Variants in TRPM6 observed in about 807,000 individuals in gnomAD.
The protein encoded by TRPM6 is transient receptor potential cation channel subfamily M member 6.
TRPM6 carries 111 observed loss-of-function variants against 247.6 expected under a neutral mutation model. The ratio of observed to expected loss-of-function variants is 0.45; its 90% CI spans 0.38 to 0.52. TRPM6 has a LOEUF of 0.52. TRPM6 is among the 20% of genes least tolerant of loss of function. The pLI is 0.00. For missense variants in TRPM6, 2,126 were observed against 2,421.5 expected (o/e 0.88, Z 2.56); for synonymous variants, 892 against 853.8 (o/e 1.04, Z -0.78).
At chr9:74,839,314 A>T (rs1249907695) in intron 5 of TRPM6, among the ~76,000 whole-genome samples, 1 of 152,136 alleles carries the variant, frequency 6.6e-6, no homozygotes, top group East Asian at 1.9e-4. Flanking sequence ...GACAGTTCAC[A>T]AACACTGAAG....
intron 6 of TRPM6, among the ~76,000 whole-genome samples, chr9:74,832,236 T>C (rs1485915531): frequency 6.6e-6 from 1 of 152,086 alleles, no homozygotes. Context: ...AATGACCCAG[T>C]TTCCTCAATA....
chr9:74,794,212 A>T (rs1368434191), intron 18 of TRPM6, among the ~76,000 whole-genome samples: 1 of 152,212 alleles, frequency 6.6e-6, no homozygotes, highest in Non-Finnish European at 1.5e-5. Context: ...AAAAGAAAAG[A>T]ATGTTCTCTG....
At chr9:74,806,587 A>G (rs1828535061) in intron 14 of TRPM6, among the ~76,000 whole-genome samples, 1 of 152,240 alleles carries the variant, frequency 6.6e-6, no homozygotes, top group African/African-American at 2.4e-5. Context: ...CATAATGACC[A>G]TTATTACTAA....
Position 74,727,214 on chromosome 9 carries a change from C to CTACAAAAAA in TRPM6, c.5935+1016_5935+1024dup, listed in dbSNP as rs1320998762. Among the ~76,000 whole-genome samples, 8 of 151,856 alleles carry CTACAAAAAA rather than the reference C, an allele frequency of 5.3e-5. 1 individual carries two copies. Among genetic ancestry groups the CTACAAAAAA allele is most frequent in the Admixed American group, 6.6e-5 (1 of 15,238 alleles). The stretch of plus-strand genomic sequence containing the variant: ...TGGCCAACATGGTGAAACCCTGTCT[C>CTACAAAAAA]TACAAAAAATACAAAAAATTAGCTG... On this transcript the variant is annotated intron_variant, in intron 38 of 38. Coordinates refer to ENST00000360774, the MANE Select transcript of TRPM6 (RefSeq NM_017662.5).
intron 11 of TRPM6, among the ~76,000 whole-genome samples, 154 bp from the exon 12 acceptor site, chr9:74,812,587 A>C (rs994737902): frequency 2.6e-5 from 4 of 152,056 alleles, no homozygotes; most frequent in African/African-American, 9.7e-5. Flanking sequence ...AAAAGGAAAA[A>C]ATTTAAATAC....
chr9:74,848,945 T>G (rs1466814986), intron 3 of TRPM6, among the ~76,000 whole-genome samples: 1 of 152,196 alleles, frequency 6.6e-6, no homozygotes, highest in African/African-American at 2.4e-5. Context: ...TACATTTGAG[T>G]ACATGGTGGA....
rs549263726 is a variant in TRPM6, at chr9:74,884,851, G to A, written c.33+2973C>T. Reference sequence around the variant, plus strand: ...AATGTGCTCCATCAAAATGATAGAAGAAATCAAAAAAGACTAAGGTGTGGG... The same window carrying A: ...AATGTGCTCCATCAAAATGATAGAAAAAATCAAAAAAGACTAAGGTGTGGG... On this transcript the variant is annotated intron_variant, in intron 1 of 38. Transcript: ENST00000360774. Among the ~76,000 whole-genome samples, 850 of 152,146 alleles carry A rather than the reference G, an allele frequency of 5.6e-3. 7 individuals are homozygous for A. Among genetic ancestry groups the A allele is most frequent in the African/African-American group, 0.019 (798 of 41,534 alleles).
chr9:74,758,124 A>G (rs76508966), intron 27 of TRPM6, among the ~76,000 whole-genome samples: 3,978 of 152,324 alleles, frequency 0.026, 166 homozygotes, highest in African/African-American at 0.088. Flanking sequence ...ATAGCTCTAT[A>G]TCTATTACAG....
intron 24 of TRPM6, among the ~76,000 whole-genome samples, chr9:74,775,538 C>G (rs1587491818): frequency 6.6e-6 from 1 of 152,158 alleles, no homozygotes; most frequent in African/African-American, 2.4e-5. Flanking sequence ...ACAAGGAGAA[C>G]AGTACACGTC....
At chr9:74,880,328 CGT>C in intron 1 of TRPM6, among the ~76,000 whole-genome samples, 1 of 152,004 alleles carries the variant, frequency 6.6e-6, no homozygotes, top group Admixed American at 6.6e-5. Flanking sequence ...GAGATGTAGA[CGT>C]CCGGAAACAG....
At chr9:74,859,531 G>C (rs111605194) in intron 1 of TRPM6, among the ~76,000 whole-genome samples, 1 of 152,158 alleles carries the variant, frequency 6.6e-6, no homozygotes, top group Non-Finnish European at 1.5e-5. Flanking sequence ...CCAACACTTT[G>C]GGAGGCCAAG....
chr9:74,840,828 CAAA>C (rs371038378), intron 4 of TRPM6, among the ~76,000 whole-genome samples: 1 of 108,370 alleles, frequency 9.2e-6, no homozygotes, highest in Non-Finnish European at 1.8e-5. Context: ...GACTCTGTCT[CAAA>C]AAAAAAAAAA....
intron 1 of TRPM6, among the ~76,000 whole-genome samples, chr9:74,876,991 C>T (rs1416249456): frequency 6.6e-6 from 1 of 152,148 alleles, no homozygotes; most frequent in Non-Finnish European, 1.5e-5. Context: ...TGAAAAGATG[C>T]TCAAAATCAT....
In TRPM6 at chr9:74,743,688, C is replaced by T. The variant is rs113085517; in HGVS notation, c.5134+407G>A. 1.8e-3 allele frequency among the ~76,000 whole-genome samples: 269 copies of T among 152,286 alleles called. 2 individuals carry two copies. Among genetic ancestry groups the T allele is most frequent in the African/African-American group, 6.2e-3 (258 of 41,566 alleles). On this transcript the variant is annotated intron_variant, in intron 32 of 38. Coordinates refer to ENST00000360774, the MANE Select transcript of TRPM6 (RefSeq NM_017662.5). Reference sequence around the variant, plus strand: ...TCACTTTGTGGGGTTGGCCTTCATTCAGTGATCATACTCACTGAGGCCCCA... The same window carrying T: ...TCACTTTGTGGGGTTGGCCTTCATTTAGTGATCATACTCACTGAGGCCCCA...
At position 74,761,770 on chromosome 9, in the gene TRPM6, C is replaced by G. The variant is rs1265726329; in HGVS notation, c.4711G>C (p.Val1571Leu). The change falls in exon 27 of 39, where the codon GTC (valine) becomes CTC (leucine). Residue 1571 changes from valine (V) to leucine (L), a missense_variant. Physicochemically the swap from Val to Leu is conservative, Grantham distance 32. Coordinates refer to ENST00000360774, the MANE Select transcript of TRPM6 (RefSeq NM_017662.5). ...GSSEIGQGAW[V>L]KAKMLTKDRR... is the part of the protein sequence containing the mutation. ...TCTTTGGTTAGCATTTTCGCTTTGA[C>G]CCATGCTCCCTGCCCTATTTCTGAA... 6.2e-7 allele frequency: 1 copy of G among 1,613,856 alleles called. No individual in the cohort carries two copies. Among genetic ancestry groups the G allele is most frequent in the Non-Finnish European group, 8.5e-7 (1 of 1,179,938 alleles).
chr9:74,855,639 T>C, intron 2 of TRPM6, 74 bp from the exon 3 acceptor site: 1 of 955,154 alleles, frequency 1.0e-6, no homozygotes. Context: ...GTACAGTAAA[T>C]ATCTATTATT....
chr9:74,855,403 C>T, intron 3 of TRPM6, 124 bp downstream of exon 3: 1 of 769,368 alleles, frequency 1.3e-6, no homozygotes, highest in African/African-American at 1.7e-5. Flanking sequence ...TTTAAAACTT[C>T]CCTTGGAAAG....
chr9:74,732,932 G>A (rs1463069054), intron 36 of TRPM6, among the ~76,000 whole-genome samples, 196 bp from the exon 37 acceptor site: 2 of 152,124 alleles, frequency 1.3e-5, no homozygotes, highest in African/African-American at 2.4e-5. Flanking sequence ...GGTGGCTCAC[G>A]CCTGTAATCC....
chr9:74,723,368 T>C lies in TRPM6; in HGVS notation c.*1245A>G, dbSNP rs752883751. On this transcript the variant is annotated 3_prime_UTR_variant, in exon 39 of 39. Coordinates refer to ENST00000360774, the MANE Select transcript of TRPM6 (RefSeq NM_017662.5). ...TAAAGTAATTTAACCTGCAATATTA[T>C]ATATACAACTTTGGAAGGAGGAGTG... is the stretch of plus-strand genomic sequence containing the variant. 3 of 152,074 alleles carry C rather than the reference T, an allele frequency of 2.0e-5. No homozygotes were observed. The highest frequency in any genetic ancestry group is 6.6e-5 in the Admixed American group (1 of 15,256). The allele number at this position is 152,074 out of a possible 1,614,324, so 9.4% of individuals were successfully genotyped here. A position where few individuals can be genotyped will look rare whatever the true frequency, so the allele number is the denominator to read the frequency against.
Sources: allele counts gnomAD v4.1 joint callset (sites outside exome capture counted in the v4.1 genomes callset), GRCh38; gene constraint gnomAD v4.1.1; transcripts MANE v1.5; gene names NCBI Gene and HGNC (gene_info 2026-07-23, HGNC 2026-07-21).